Variants in CERK observed in about 807,000 individuals in gnomAD.
CERK encodes the protein ceramide kinase.
A neutral mutation model predicts 63.4 loss-of-function variants in CERK; 39 were observed. The observed-to-expected ratio is 0.61, with a 90% CI of 0.48 to 0.80. The LOEUF (loss-of-function observed/expected upper bound fraction) is 0.80. Ranked by LOEUF, CERK falls within the 30% of genes least tolerant of loss-of-function variation. The pLI is 0.00. For synonymous variants in CERK, 302 were observed against 280.0 expected, an observed-to-expected ratio of 1.08 and a Z score of -0.78; for missense variants, 670 against 714.1, an observed-to-expected ratio of 0.94 and a Z score of 0.70.
intron 8 of CERK, among the ~76,000 whole-genome samples, chr22:46,698,301 C>T (rs2082766298): frequency 6.6e-6 from 1 of 152,384 alleles, no homozygotes; most frequent in South Asian, 2.1e-4. Flanking sequence ...CTCCTCTGTG[C>T]CCACTGCGGC....
chr22:46,695,788 C>T (rs1255531715), intron 8 of CERK, among the ~76,000 whole-genome samples: 2 of 152,226 alleles, frequency 1.3e-5, no homozygotes, highest in Non-Finnish European at 2.9e-5. Context: ...AGGCCAGGGC[C>T]GCTGCCACCC....
chr22:46,717,268 T>C (rs1401390109), intron 3 of CERK, among the ~76,000 whole-genome samples: 1 of 152,144 alleles, frequency 6.6e-6, no homozygotes, highest in African/African-American at 2.4e-5. Flanking sequence ...ACCCAGCGAC[T>C]CCATTCCCAG....
chr22:46,714,687 AG>A lies in CERK; in HGVS notation c.380-2395del, dbSNP rs1350234703. Among the ~76,000 whole-genome samples, 1 of 152,184 alleles carries A rather than the reference AG, an allele frequency of 6.6e-6. No homozygotes were observed. The highest frequency in any genetic ancestry group is 1.5e-5 in the Non-Finnish European group (1 of 68,038). Reference sequence around the variant, plus strand: ...ACAACTGAATTCTTCCAAACATTTAAGGAAAAAATAGCCTCAAGATTATAGG... The same window carrying A: ...ACAACTGAATTCTTCCAAACATTTAAGAAAAAATAGCCTCAAGATTATAGG... On this transcript the variant is annotated intron_variant, in intron 3 of 12. Transcript: ENST00000216264. This position sits in a 1 kb window ranked among gnomAD's most constrained non-coding sequence, Gnocchi z 4.4.
intron 3 of CERK, among the ~76,000 whole-genome samples, chr22:46,718,622 A>C (rs1164597537): frequency 6.6e-6 from 1 of 152,244 alleles, no homozygotes; most frequent in African/African-American, 2.4e-5. Context: ...TCCTTCAAGC[A>C]ATGATGCTGC....
intron 6 of CERK, among the ~76,000 whole-genome samples, chr22:46,705,669 TCAAA>T (rs1026599483): frequency 8.6e-5 from 13 of 151,812 alleles, no homozygotes; most frequent in African/African-American, 3.2e-4. Flanking sequence ...AGACTCTGAT[TCAAA>T]CAAACCAACC....
intron 1 of CERK, among the ~76,000 whole-genome samples, chr22:46,729,603 A>C (rs904999319): frequency 1.3e-5 from 2 of 152,088 alleles, no homozygotes; most frequent in Non-Finnish European, 2.9e-5. Context: ...TGGCCTTACA[A>C]AATAATGTAC....
chr22:46,726,449 G>A (rs2082918613), intron 1 of CERK, among the ~76,000 whole-genome samples: 1 of 152,138 alleles, frequency 6.6e-6, no homozygotes, highest in South Asian at 2.1e-4. Flanking sequence ...GCCCAGAAGT[G>A]GCACGGGCCA....
chr22:46,734,385 C>G (rs2082961917), intron 1 of CERK, among the ~76,000 whole-genome samples: 1 of 151,300 alleles, frequency 6.6e-6, no homozygotes, highest in Non-Finnish European at 1.5e-5. Flanking sequence ...TGAGATAAAG[C>G]AGCCGGGCAC....
intron 1 of CERK, among the ~76,000 whole-genome samples, chr22:46,722,991 G>A (rs894109497): frequency 3.3e-5 from 5 of 152,202 alleles, no homozygotes; most frequent in South Asian, 2.1e-4. Context: ...GAGCGGCTGC[G>A]AGAGGGTGGC....
chr22:46,716,476 C>A (rs2082867038), intron 3 of CERK, among the ~76,000 whole-genome samples: 1 of 149,816 alleles, frequency 6.7e-6, no homozygotes, highest in Non-Finnish European at 1.5e-5. Context: ...TAGGCGTGAG[C>A]CACCATGCCC....
intron 3 of CERK, among the ~76,000 whole-genome samples, chr22:46,719,062 T>C (rs1888054475): frequency 6.6e-6 from 1 of 152,088 alleles, no homozygotes; most frequent in Non-Finnish European, 1.5e-5. Flanking sequence ...AGCGAGACCC[T>C]GTCTCAAAAA....
intron 1 of CERK, among the ~76,000 whole-genome samples, chr22:46,724,098 C>T (rs1032511437): frequency 3.9e-5 from 6 of 152,164 alleles, no homozygotes; most frequent in Admixed American, 2.0e-4. Flanking sequence ...GACAGCACGA[C>T]TGATCCCTCC....
At chr22:46,726,365 G>A (rs2082918231) in intron 1 of CERK, among the ~76,000 whole-genome samples, 3 of 152,154 alleles carry the variant, frequency 2.0e-5, no homozygotes, top group South Asian at 2.1e-4. Flanking sequence ...TGCCCACTGC[G>A]CCCACTGGAG....
intron 1 of CERK, among the ~76,000 whole-genome samples, chr22:46,731,053 C>A (rs2082942903): frequency 6.6e-6 from 1 of 152,276 alleles, no homozygotes; most frequent in African/African-American, 2.4e-5. Flanking sequence ...TGAGCAGGCA[C>A]CCCACAACCT....
rs765467270 is a variant in CERK, at chr22:46,707,925, C to T, written c.633G>A (p.Thr211=). 1.2e-5 allele frequency: 20 copies of T among 1,613,776 alleles called. No homozygotes were observed. The highest frequency in any genetic ancestry group is 2.7e-5 in the African/African-American group (2 of 74,942). The change falls in exon 6 of 13, where the codon ACG becomes ACA. Residue 211 remains threonine, a synonymous_variant. Coordinates refer to ENST00000216264, the MANE Select transcript of CERK (RefSeq NM_022766.6). ...SEVLHGLIGR[T]QRSAGVDQNH... is the part of the protein sequence containing the mutation. ...TCTGGTCGACCCCGGCGCTCCTCTG[C>T]GTCCTCCCAATCAGACCGTGCAGCA...
intron 1 of CERK, among the ~76,000 whole-genome samples, chr22:46,730,310 A>C (rs2082939352): frequency 6.6e-6 from 1 of 151,822 alleles, no homozygotes; most frequent in South Asian, 2.1e-4. Context: ...AATCCCAGCT[A>C]CTCAGAAGGC....
At chr22:46,725,068 C>G (rs801586) in intron 1 of CERK, among the ~76,000 whole-genome samples, 2,674 of 152,240 alleles carry the variant, frequency 0.018, 65 homozygotes, top group African/African-American at 0.06. Context: ...GAGGCTCTGC[C>G]TCCTTCCTCC....
intron 1 of CERK, among the ~76,000 whole-genome samples, chr22:46,727,111 T>A (rs954641339): frequency 6.6e-6 from 1 of 152,206 alleles, no homozygotes; most frequent in Non-Finnish European, 1.5e-5. Flanking sequence ...CCAGTGAGGC[T>A]GAGCCGTGGT....
chr22:46,708,265 G>C (rs1454887014), intron 5 of CERK, among the ~76,000 whole-genome samples: 1 of 152,240 alleles, frequency 6.6e-6, no homozygotes, highest in Non-Finnish European at 1.5e-5. Context: ...CTGCATGCCT[G>C]TACCCCCTCA....
Sources: allele counts gnomAD v4.1 joint callset (sites outside exome capture counted in the v4.1 genomes callset), GRCh38; gene constraint gnomAD v4.1.1; non-coding constraint Gnocchi (gnomAD v3.1); transcripts MANE v1.5; gene names NCBI Gene and HGNC (gene_info 2026-07-23, HGNC 2026-07-21).